Variants in NRP1 observed in about 807,000 individuals in gnomAD.
NRP1 encodes the protein neuropilin 1.
A neutral mutation model predicts 106.7 loss-of-function variants in NRP1; 35 were observed. That is an observed-to-expected ratio of 0.33 (90% CI 0.25 to 0.43). The LOEUF is 0.43. Ranked by LOEUF, NRP1 falls within the 20% of genes least tolerant of loss-of-function variation. NRP1 has a pLI of 1.00. For synonymous variants in NRP1, 437 were observed against 417.9 expected, an observed-to-expected ratio of 1.05 and a Z score of -0.56; for missense variants, 1,024 against 1,170.4, an observed-to-expected ratio of 0.87 and a Z score of 1.83.
intron 2 of NRP1, among the ~76,000 whole-genome samples, chr10:33,322,019 C>G (rs902063624): frequency 6.6e-6 from 1 of 152,180 alleles, no homozygotes; most frequent in Non-Finnish European, 1.5e-5. Flanking sequence ...CCCTTTAACC[C>G]TTACAGAGCC....
intron 12 of NRP1, among the ~76,000 whole-genome samples, chr10:33,194,169 C>A (rs41511045): frequency 0.097 from 14,756 of 152,178 alleles, 2,360 homozygotes; most frequent in African/African-American, 0.34. Flanking sequence ...AGATGAAGTA[C>A]AGTCAACTGA....
chr10:33,276,119 C>A (rs929316806), intron 2 of NRP1, among the ~76,000 whole-genome samples: 1 of 152,108 alleles, frequency 6.6e-6, no homozygotes, highest in Non-Finnish European at 1.5e-5. Context: ...ACATTATGTT[C>A]CTTATTCATT....
At chr10:33,308,019 G>A (rs190693532) in intron 2 of NRP1, among the ~76,000 whole-genome samples, 315 of 152,212 alleles carry the variant, frequency 2.1e-3, no homozygotes, top group African/African-American at 7.2e-3. Flanking sequence ...TGTACACCAC[G>A]GAATACTACG....
chr10:33,332,493 C>A (rs148057956), intron 1 of NRP1, among the ~76,000 whole-genome samples: 2 of 152,234 alleles, frequency 1.3e-5, no homozygotes, highest in Middle Eastern at 6.8e-3. Flanking sequence ...TCTAGTCACT[C>A]GACAGAGTCA....
intron 6 of NRP1, among the ~76,000 whole-genome samples, chr10:33,240,384 A>G (rs558226732): frequency 5.9e-5 from 9 of 152,380 alleles, no homozygotes; most frequent in African/African-American, 2.2e-4. Context: ...CAAGATAAAC[A>G]CACACTTTTA....
chr10:33,194,346 A>G (rs1012691085), intron 12 of NRP1: 1 of 160,138 alleles, frequency 6.2e-6, no homozygotes, highest in African/African-American at 2.4e-5. Flanking sequence ...CATTCAGGAT[A>G]AAGAAAGCCA....
chr10:33,188,931 ATATAT>A (rs1836216458), intron 13 of NRP1, among the ~76,000 whole-genome samples: 1 of 143,036 alleles, frequency 7.0e-6, no homozygotes, highest in African/African-American at 2.7e-5. Context: ...ATATATATAT[ATATAT>A]AAATTAAAAC....
At chr10:33,319,141 A>T (rs534399863) in intron 2 of NRP1, among the ~76,000 whole-genome samples, 30 of 150,928 alleles carry the variant, frequency 2.0e-4, no homozygotes, top group Non-Finnish European at 3.5e-4. Context: ...AGTAGCTGGG[A>T]CTACAGGCGC....
intron 12 of NRP1, among the ~76,000 whole-genome samples, chr10:33,196,549 C>T (rs756193089): frequency 6.6e-6 from 1 of 152,120 alleles, no homozygotes; most frequent in Non-Finnish European, 1.5e-5. Flanking sequence ...GTGTGTAGGA[C>T]GACACCATTT....
chr10:33,306,958 G>T (rs575812508), intron 2 of NRP1, among the ~76,000 whole-genome samples: 1 of 152,342 alleles, frequency 6.6e-6, no homozygotes, highest in Non-Finnish European at 1.5e-5. Context: ...AAGACTCAGG[G>T]CAGAGCTACA....
At chr10:33,291,004 C>T (rs80044889) in intron 2 of NRP1, among the ~76,000 whole-genome samples, 1,989 of 152,220 alleles carry the variant, frequency 0.013, 121 homozygotes, top group Admixed American at 0.11. Context: ...CAGTGCATAG[C>T]GGGTTGTGGA....
At chr10:33,246,277 A>G (rs933955550) in intron 6 of NRP1, among the ~76,000 whole-genome samples, 23 of 151,872 alleles carry the variant, frequency 1.5e-4, no homozygotes, top group Non-Finnish European at 1.6e-4. Context: ...CTCTACCTAC[A>G]TATTCCCTTC....
At position 33,263,819 on chromosome 10, in the gene NRP1, C is replaced by T. The variant is rs1210497251; in HGVS notation, c.485G>A (p.Gly162Glu). Residue 162 changes from glycine to glutamate, a missense_variant, in exon 4 of 17, where the codon GGA becomes GAA. Around this residue, in one of 5 missense-constraint regions of NRP1, gnomAD observed 279 missense variants for 327.4 expected, o/e 0.85. Transcript: ENST00000374867. Reference sequence around the variant, plus strand: ...GCTGTTGGGATATTTTTCAGGGAATCCGGGGGACTTTATCACTCCACTAGG... The same window carrying T: ...GCTGTTGGGATATTTTTCAGGGAATTCGGGGGACTTTATCACTCCACTAGG... Reference protein sequence around the residue: ...TTPSGVIKSPGFPEKYPNSLE... With the variant: ...TTPSGVIKSPEFPEKYPNSLE... The T allele has an allele frequency of 1.2e-6, 2 of 1,613,924 alleles. No homozygotes were observed. The highest frequency in any genetic ancestry group is 1.3e-5 in the African/African-American group (1 of 75,030).
At chr10:33,266,968 A>C (rs925983889) in intron 3 of NRP1, among the ~76,000 whole-genome samples, 13 of 152,068 alleles carry the variant, frequency 8.5e-5, no homozygotes, top group Admixed American at 2.6e-4. Context: ...GGAGGCGGAG[A>C]TTGCAGTGAG....
At chr10:33,255,040 T>C (rs1475330210) in intron 5 of NRP1, among the ~76,000 whole-genome samples, 1 of 152,086 alleles carries the variant, frequency 6.6e-6, no homozygotes, top group Non-Finnish European at 1.5e-5. Context: ...TTTAGGAAAA[T>C]GTTTATCCAA....
intron 2 of NRP1, among the ~76,000 whole-genome samples, chr10:33,274,009 C>A (rs1843503932): frequency 6.6e-6 from 1 of 152,032 alleles, no homozygotes; most frequent in Non-Finnish European, 1.5e-5. Context: ...AAGGACCAAC[C>A]CCTCCCTCCT....
intron 3 of NRP1, among the ~76,000 whole-genome samples, chr10:33,265,587 T>A (rs571607217): frequency 6.6e-6 from 1 of 152,290 alleles, no homozygotes; most frequent in African/African-American, 2.4e-5. Flanking sequence ...AGAAAACAAA[T>A]CAATCCTTTC....
At chr10:33,233,168 G>A (rs1449317403) in intron 6 of NRP1, among the ~76,000 whole-genome samples, 1 of 152,124 alleles carries the variant, frequency 6.6e-6, no homozygotes. Flanking sequence ...TTCTGGGTGG[G>A]GAAAATTGTG....
intron 11 of NRP1, chr10:33,202,402 G>C: frequency 2.2e-6 from 1 of 447,902 alleles, no homozygotes; most frequent in East Asian, 4.0e-5. Flanking sequence ...AAATGTTAAT[G>C]TACAATGATT....
Sources: gnomAD v4.1 joint callset for allele counts (sites outside exome capture counted in the v4.1 genomes callset) on GRCh38, gnomAD v4.1.1 for gene constraint, gnomAD v4.1.1 regional missense constraint, MANE v1.5 for transcripts, NCBI Gene and HGNC (gene_info 2026-07-23, HGNC 2026-07-21) for gene names.